The following OTUB2 variants were observed in gnomAD, a reference collection of about 807,000 sequenced individuals.
The protein encoded by OTUB2 is OTU deubiquitinase, ubiquitin aldehyde binding 2, also known as ubiquitin thioesterase OTUB2.
A neutral mutation model predicts 25.1 loss-of-function variants in OTUB2; 21 were observed. The observed-to-expected ratio is 0.84, with a 90% CI of 0.59 to 1.21. The LOEUF (loss-of-function observed/expected upper bound fraction) is 1.21, where lower values mean the gene tolerates loss of function less well. Ranked by LOEUF, OTUB2 falls within the 50% of genes most tolerant of loss-of-function variation. The pLI is 0.00. For synonymous variants in OTUB2, 122 were observed against 122.8 expected (o/e 0.99, Z 0.04); for missense variants, 283 against 298.0 (o/e 0.95, Z 0.37).
At position 94,030,587 on chromosome 14, in the gene OTUB2, C is replaced by G. The variant is rs1053773092; in HGVS notation, c.3+4047C>G. 2.6e-5 allele frequency among the ~76,000 whole-genome samples: 4 copies of G among 152,194 alleles called. No homozygotes were observed. In the East Asian group the frequency reaches 7.7e-4, roughly 29 times the overall value. On this transcript the variant is annotated intron_variant, in intron 1 of 5. Transcript: ENST00000203664. ...GCTAATAACTGACCCGGGGGGGAAG[C>G]CTCAGTGCAGGGTCTTGTCACTTTT...
intron 2 of OTUB2, among the ~76,000 whole-genome samples, 165 bp from the exon 3 acceptor site, chr14:94,038,798 A>G (rs1355721744): frequency 6.6e-6 from 1 of 152,168 alleles, no homozygotes; most frequent in Non-Finnish European, 1.5e-5. Flanking sequence ...GTGTATTTTT[A>G]TATCAGGGGA....
At chr14:94,033,772 A>G (rs1885001573) in intron 1 of OTUB2, among the ~76,000 whole-genome samples, 1 of 152,228 alleles carries the variant, frequency 6.6e-6, no homozygotes, top group Non-Finnish European at 1.5e-5. Flanking sequence ...TTGTCCTCTT[A>G]CCATCCACAC....
At chr14:94,044,184 T>TG (rs1885217305) in intron 4 of OTUB2, 129 bp downstream of exon 4, 1 of 918,624 alleles carries the variant, frequency 1.1e-6, no homozygotes, top group Non-Finnish European at 1.8e-6. Context: ...TTCCTGCTTG[T>TG]GGGGGTGTGT....
intron 1 of OTUB2, among the ~76,000 whole-genome samples, chr14:94,028,945 T>A (rs1192908002): frequency 6.6e-6 from 1 of 152,130 alleles, no homozygotes; most frequent in Non-Finnish European, 1.5e-5. Flanking sequence ...GGGGGGACAG[T>A]GGGCTATCAG....
Position 94,046,580 on chromosome 14 carries a change from C to T in OTUB2, c.*658C>T, listed in dbSNP as rs1397222442. ...AGGAGCTCAAATTGTTGGGGCCCCT[C>T]TACCTCTCTCAGGGCTAGAACTGCC... is the stretch of plus-strand genomic sequence containing the variant. On this transcript the variant is annotated 3_prime_UTR_variant, in exon 6 of 6. Coordinates refer to ENST00000203664, the MANE Select transcript of OTUB2 (RefSeq NM_023112.4). 6.5e-6 allele frequency: 1 copy of T among 152,954 alleles called. No individual in the cohort carries two copies. The highest frequency in any genetic ancestry group is 1.5e-5 in the Non-Finnish European group (1 of 68,356). 9.5% of individuals were successfully genotyped at this position (152,954 alleles called of 1,614,324 possible).
intron 1 of OTUB2, among the ~76,000 whole-genome samples, chr14:94,033,710 A>G (rs149038108): frequency 2.0e-3 from 303 of 152,380 alleles, no homozygotes; most frequent in African/African-American, 7.0e-3. Context: ...AGGGTGCGTG[A>G]GTGGGAACGA....
At chr14:94,036,901 T>C (rs1885065352) in intron 1 of OTUB2, among the ~76,000 whole-genome samples, 3 of 152,162 alleles carry the variant, frequency 2.0e-5, no homozygotes, top group African/African-American at 7.2e-5. Context: ...ACTGTGAGCC[T>C]TGTGGGTGAG....
chr14:94,040,924 CCTTT>C (rs1209023593), intron 3 of OTUB2, among the ~76,000 whole-genome samples: 6 of 152,164 alleles, frequency 3.9e-5, no homozygotes, highest in Non-Finnish European at 8.8e-5. Context: ...GGGCCTTGGG[CCTTT>C]CTAAGGACCT....
intron 1 of OTUB2, among the ~76,000 whole-genome samples, chr14:94,032,746 C>T (rs75556389): frequency 0.087 from 13,274 of 152,080 alleles, 747 homozygotes; most frequent in Non-Finnish European, 0.12. Flanking sequence ...GAAAGACATG[C>T]CATAGAGACT....
intron 1 of OTUB2, among the ~76,000 whole-genome samples, chr14:94,035,143 C>T (rs953093616): frequency 2.6e-5 from 4 of 152,134 alleles, no homozygotes; most frequent in South Asian, 2.1e-4. Flanking sequence ...GGATTAATTT[C>T]GCAAAGAAGG....
intron 1 of OTUB2, among the ~76,000 whole-genome samples, chr14:94,030,843 G>A (rs142806790): frequency 1.1e-4 from 17 of 152,034 alleles, no homozygotes; most frequent in Non-Finnish European, 2.4e-4. Context: ...TGTGTAAGCC[G>A]GGAAACCCGG....
Position 94,041,059 on chromosome 14 carries a change from G to A in OTUB2, c.218+1978G>A, listed in dbSNP as rs115507309. Reference sequence around the variant, plus strand: ...GAGACACAGCCAGGGAGATGTGGTCGGGGAGAGATCCAGAGGGGAGATGGC... The same window carrying A: ...GAGACACAGCCAGGGAGATGTGGTCAGGGAGAGATCCAGAGGGGAGATGGC... On this transcript the variant is annotated intron_variant, in intron 3 of 5. Transcript: ENST00000203664. 3.1e-3 allele frequency among the ~76,000 whole-genome samples: 472 copies of A among 152,322 alleles called. 4 individuals carry two copies. The highest frequency in any genetic ancestry group is 0.011 in the African/African-American group (446 of 41,562).
intron 1 of OTUB2, among the ~76,000 whole-genome samples, chr14:94,028,799 C>G (rs1182147890): frequency 1.3e-5 from 2 of 152,172 alleles, no homozygotes; most frequent in African/African-American, 4.8e-5. Flanking sequence ...ATTGGGAACA[C>G]AGTGAGAGGT....
chr14:94,040,204 G>A (rs1885133791), intron 3 of OTUB2, among the ~76,000 whole-genome samples: 1 of 152,236 alleles, frequency 6.6e-6, no homozygotes, highest in South Asian at 2.1e-4. Context: ...GAGGGTAGAA[G>A]TTGAGCCATC....
rs76980170 is a variant in OTUB2, at chr14:94,027,010, C to G, written c.3+470C>G. Among the ~76,000 whole-genome samples the G allele has an allele frequency of 4.4e-3, 676 of 152,368 alleles. 7 individuals carry two copies. The highest frequency in any genetic ancestry group is 0.015 in the African/African-American group (627 of 41,586). On this transcript the variant is annotated intron_variant, in intron 1 of 5. Transcript: ENST00000203664. ...GGGAGGATCTAGGGGTTGCACGGGG[C>G]ACCAGGTCGTCTGCTCCGTGGGCGA...
At position 94,048,857 on chromosome 14, in the gene OTUB2, A is replaced by G. The variant is rs1885334198; in HGVS notation, c.*2935A>G. On this transcript the variant is annotated 3_prime_UTR_variant, in exon 6 of 6. Coordinates refer to ENST00000203664, the MANE Select transcript of OTUB2 (RefSeq NM_023112.4). The stretch of plus-strand genomic sequence containing the variant: ...TTCCAGGGGCCCCAGGCCCTGCTGG[A>G]TGTGGGCCAAGCCCTACAGCTTCCC... 6.6e-6 allele frequency: 1 copy of G among 152,276 alleles called. No individual in the cohort carries two copies. The highest frequency in any genetic ancestry group is 1.5e-5 in the Non-Finnish European group (1 of 68,068). The allele number at this position is 152,276 out of a possible 1,614,324, so 9.4% of individuals were successfully genotyped here.
rs1469820100 is a variant in OTUB2 at position 94,045,917 on chromosome 14, C to T, written c.700C>T (p.His234Tyr). 1 of 1,614,016 alleles carries T rather than the reference C, an allele frequency of 6.2e-7. No individual in the cohort carries two copies. The highest frequency in any genetic ancestry group is 8.5e-7 in the Non-Finnish European group (1 of 1,179,858). Residue 234 changes from histidine to tyrosine, a missense_variant, in exon 6 of 6, where the codon CAT (histidine) becomes TAT (tyrosine). Physicochemically the swap from His to Tyr is moderately conservative, Grantham distance 83. Coordinates refer to ENST00000203664, the MANE Select transcript of OTUB2 (RefSeq NM_023112.4). ...HYNILYAADK[H>Y] is the part of the protein sequence containing the mutation. The stretch of plus-strand genomic sequence containing the variant: ...CAACATCCTTTATGCAGCCGATAAA[C>T]ATTGATTAATTTTAGGCCATGCAGT...
chr14:94,034,459 G>C (rs1206661182), intron 1 of OTUB2, among the ~76,000 whole-genome samples: 4 of 152,200 alleles, frequency 2.6e-5, no homozygotes, highest in African/African-American at 7.2e-5. Flanking sequence ...TAGCAGTTTG[G>C]CATGGTAGAA....
At chr14:94,029,954 G>A (rs1884929159) in intron 1 of OTUB2, among the ~76,000 whole-genome samples, 1 of 152,230 alleles carries the variant, frequency 6.6e-6, no homozygotes, top group Non-Finnish European at 1.5e-5. Flanking sequence ...AAAGGCAGAG[G>A]AAGAATCCAG....
Sources: allele counts gnomAD v4.1 joint callset (sites outside exome capture counted in the v4.1 genomes callset), GRCh38; gene constraint gnomAD v4.1.1; transcripts MANE v1.5; gene names NCBI Gene and HGNC (gene_info 2026-07-23, HGNC 2026-07-21).